The following RIMS3 variants were observed in gnomAD, a reference collection of about 807,000 sequenced individuals.
The protein encoded by RIMS3 is regulating synaptic membrane exocytosis protein 3.
In RIMS3, 15 loss-of-function variants were observed where a neutral mutation model predicts 29.2. The ratio of observed to expected loss-of-function variants is 0.51; its 90% CI spans 0.34 to 0.79. RIMS3 has a LOEUF of 0.79. Among genes scored for constraint, RIMS3 ranks in the 30% least tolerant of loss-of-function variants. The probability of loss-of-function intolerance (pLI) is 0.01; values close to 1 mark genes in which losing one functional copy is unlikely to be tolerated. For missense variants in RIMS3, 342 were observed against 421.4 expected (o/e 0.81, Z 1.65); for synonymous variants, 161 against 170.1 (o/e 0.95, Z 0.41).
chr1:40,679,307 C>A, the RIMS3 span, among the ~76,000 whole-genome samples: 1 of 152,312 alleles, frequency 6.6e-6, no homozygotes, highest in African/African-American at 2.4e-5. Flanking sequence ...CCTCCCCAGG[C>A]ACACAATTTC....
chr1:40,663,666 A>G (rs1352267109), intron 1 of RIMS3, among the ~76,000 whole-genome samples: 1 of 152,224 alleles, frequency 6.6e-6, no homozygotes, highest in Admixed American at 6.5e-5. Flanking sequence ...GGTTCTGCGC[A>G]GTAAAATCCA....
chr1:40,627,622 G>T lies in RIMS3; in HGVS notation c.715-893C>A, dbSNP rs1010770719. ...CTTTTTTTATTTTTAATTTTTAAGA[G>T]ACAGGATCTTATTCTGTCACCCAGG... On this transcript the variant is annotated intron_variant, in intron 7 of 7. Coordinates refer to ENST00000372684, the MANE Select transcript of RIMS3 (RefSeq NM_014747.3). Among the ~76,000 whole-genome samples the T allele has an allele frequency of 4.6e-5, 7 of 151,736 alleles. 1 individual carries two copies. Among genetic ancestry groups the T allele is most frequent in the African/African-American group, 1.7e-4 (7 of 41,256 alleles).
the RIMS3 span, chr1:40,690,316 GTTT>G: frequency 6.6e-6 from 1 of 151,740 alleles, no homozygotes; most frequent in South Asian, 2.1e-4. Flanking sequence ...TCTTGAATCT[GTTT>G]TTAATTTTAT....
chr1:40,654,848 TCATA>T lies in RIMS3; in HGVS notation c.-206-7010_-206-7007del, dbSNP rs1367389955. 6.6e-6 allele frequency among the ~76,000 whole-genome samples: 1 copy of T among 151,938 alleles called. No homozygotes were observed. The highest frequency in any genetic ancestry group is 1.5e-5 in the Non-Finnish European group (1 of 67,956). ...GACATACACACACACTTAAACTCTC[TCATA>T]CATACACACACACATTATGCCTTCA... On this transcript the variant is annotated intron_variant, in intron 1 of 7. Coordinates refer to ENST00000372684, the MANE Select transcript of RIMS3 (RefSeq NM_014747.3). This position sits in a 1 kb window ranked among gnomAD's most constrained non-coding sequence, Gnocchi z 5.3.
the RIMS3 span, among the ~76,000 whole-genome samples, chr1:40,671,203 T>G: frequency 6.6e-6 from 1 of 152,138 alleles, no homozygotes; most frequent in Non-Finnish European, 1.5e-5. Context: ...GGTGGTGATG[T>G]TCTTCACCAA....
Position 40,629,436 on chromosome 1 carries a change from G to A in RIMS3, c.473-64C>T, listed in dbSNP as rs1198227998. On this transcript the variant is annotated intron_variant, in intron 5 of 7. Coordinates refer to ENST00000372684, the MANE Select transcript of RIMS3 (RefSeq NM_014747.3). ...CCAAGGGGCAGGCCAGCCAGCTGCT[G>A]TACTGAATGCCAGCCTGTGGAGGAG... 9.1e-6 allele frequency: 12 copies of A among 1,311,934 alleles called. No individual in the cohort carries two copies. The Admixed American group carries it at 1.2e-4, about 13-fold the overall frequency. 81.3% of individuals were successfully genotyped at this position (1,311,934 alleles called of 1,614,324 possible).
chr1:40,691,823 G>A, the RIMS3 span: 5 of 438,178 alleles, frequency 1.1e-5, no homozygotes, highest in Non-Finnish European at 2.3e-5. Flanking sequence ...CGACTCCGTA[G>A]GAGCGCGGGG....
At chr1:40,641,987 A>G in intron 2 of RIMS3, 31 bp from the exon 3 acceptor site, 2 of 1,390,666 alleles carry the variant, frequency 1.4e-6, no homozygotes, top group Non-Finnish European at 2.0e-6. Flanking sequence ...AAAGGATCCC[A>G]CATCAGACCT....
chr1:40,670,870 G>A, the RIMS3 span, among the ~76,000 whole-genome samples: 6 of 151,720 alleles, frequency 4.0e-5, no homozygotes, highest in South Asian at 2.1e-4. Flanking sequence ...GAGCCACTGC[G>A]CCTGGCCAAT....
chr1:40,628,702 A>G, intron 7 of RIMS3, 108 bp downstream of exon 7: 2 of 1,441,722 alleles, frequency 1.4e-6, no homozygotes, highest in East Asian at 4.5e-5. Flanking sequence ...ACGCAAATTA[A>G]TGCACCTACC....
upstream of RIMS3, among the ~76,000 whole-genome samples, chr1:40,667,048 A>G (rs1642436740): frequency 6.6e-6 from 1 of 151,934 alleles, no homozygotes; most frequent in African/African-American, 2.4e-5. Context: ...GGGGAGTGGG[A>G]AGGTGGGGAG....
intron 1 of RIMS3, among the ~76,000 whole-genome samples, chr1:40,651,335 C>T (rs950685407): frequency 3.3e-5 from 5 of 152,172 alleles, no homozygotes; most frequent in East Asian, 3.8e-4. Flanking sequence ...ATGGGAGTGA[C>T]GCGTCAATGC....
At position 40,641,815 on chromosome 1, in the gene RIMS3, A is replaced by C. The variant is rs1646559417; in HGVS notation, c.111T>G (p.Ala37=). The C allele has an allele frequency of 1.2e-6, 2 of 1,612,806 alleles. No individual in the cohort carries two copies. The highest frequency in any genetic ancestry group is 1.3e-5 in the African/African-American group (1 of 74,902). ...GCCGCTTCTTGGCGGTGGTGGTCCC[A>C]GCCCCGCCCCCGGCTTGCTGGGATC... is the stretch of plus-strand genomic sequence containing the variant. ...ICGSQQAGGG[A]GTTTAKKRRS... is the part of the protein sequence containing the mutation. The change falls in exon 3 of 8, where the codon GCT becomes GCG. Residue 37 remains alanine (A), a synonymous_variant. Transcript: ENST00000372684.
the RIMS3 span, among the ~76,000 whole-genome samples, chr1:40,688,135 T>C: frequency 1.1e-4 from 16 of 152,288 alleles, no homozygotes; most frequent in East Asian, 2.9e-3. Context: ...CGGCTAATTT[T>C]TGTATTTTCA....
chr1:40,631,943 T>A (rs910393737), intron 5 of RIMS3, among the ~76,000 whole-genome samples: 1 of 151,704 alleles, frequency 6.6e-6, no homozygotes, highest in Non-Finnish European at 1.5e-5. Context: ...GCCAGTGCAC[T>A]CCAGCCTGGG....
intron 7 of RIMS3, among the ~76,000 whole-genome samples, 200 bp downstream of exon 7, chr1:40,628,610 T>C (rs780158848): frequency 3.3e-5 from 5 of 152,162 alleles, no homozygotes; most frequent in Non-Finnish European, 7.4e-5. Context: ...GGGGAGCAAT[T>C]TGATTACCCC....
chr1:40,691,640 T>A, the RIMS3 span: 1 of 429,732 alleles, frequency 2.3e-6, no homozygotes, highest in Non-Finnish European at 4.7e-6. Context: ...GCACAGCTTC[T>A]GCGCACCGCA....
the RIMS3 span, among the ~76,000 whole-genome samples, chr1:40,686,824 T>C: frequency 5.9e-5 from 9 of 152,210 alleles, no homozygotes; most frequent in African/African-American, 1.9e-4. Flanking sequence ...GCCCTCATTA[T>C]ATCTTGCCTA....
the RIMS3 span, among the ~76,000 whole-genome samples, chr1:40,690,002 T>C: frequency 6.6e-6 from 1 of 152,214 alleles, no homozygotes; most frequent in African/African-American, 2.4e-5. Flanking sequence ...TACTTGTTGT[T>C]AAATATACTT....
Sources: allele counts gnomAD v4.1 joint callset (sites outside exome capture counted in the v4.1 genomes callset), GRCh38; gene constraint gnomAD v4.1.1; non-coding constraint Gnocchi (gnomAD v3.1); transcripts MANE v1.5; gene names NCBI Gene and HGNC (gene_info 2026-07-23, HGNC 2026-07-21).